Variants in PNMT observed in about 807,000 individuals in gnomAD.
The protein encoded by PNMT is noradrenaline N-methyltransferase.
PNMT carries 18 observed loss-of-function variants against 18.9 expected under a neutral mutation model. The ratio of observed to expected loss-of-function variants is 0.95; its 90% CI spans 0.66 to 1.41. The LOEUF is 1.41. PNMT is among the 40% of genes most tolerant of loss of function. The probability of loss-of-function intolerance (pLI) is 0.00; values close to 1 mark genes in which losing one functional copy is unlikely to be tolerated. For synonymous variants in PNMT, 167 were observed against 168.6 expected, an observed-to-expected ratio of 0.99 and a Z score of 0.08; for missense variants, 378 against 387.0, an observed-to-expected ratio of 0.98 and a Z score of 0.20.
At chr17:39,668,731 C>A in intron 1 of PNMT, 54 bp downstream of exon 1, 3 of 1,400,680 alleles carry the variant, frequency 2.1e-6, no homozygotes, top group African/African-American at 1.5e-5. Context: ...GGAGTGAAAG[C>A]AGGCGCAGGG....
At chr17:39,668,341 G>A, upstream of PNMT, 1 of 603,516 alleles carries the variant, frequency 1.7e-6, no homozygotes, top group Non-Finnish European at 2.6e-6. Context: ...TGGGTGGGGA[G>A]GATGCGGCGC....
Position 39,669,166 on chromosome 17 carries a change from C to T in PNMT, c.203-463C>T, listed in dbSNP as rs1031828202. 5.9e-5 allele frequency among the ~76,000 whole-genome samples: 9 copies of T among 152,184 alleles called. No individual in the cohort carries two copies. The South Asian group carries it at 1.9e-3, about 32-fold the overall frequency. ...CGCCATCTCGGCTCACTGCAACCTCCGCCTCCCCGGTTCAAGCGATTCTCT... is the reference window on the plus strand; with the variant it reads ...CGCCATCTCGGCTCACTGCAACCTCTGCCTCCCCGGTTCAAGCGATTCTCT... On this transcript the variant is annotated intron_variant, in intron 1 of 2. Transcript: ENST00000269582.
Position 39,670,149 on chromosome 17 carries a change from G to A in PNMT, c.609G>A (p.Thr203=), listed in dbSNP as rs373672278. ...SFQRALDHIT[T]LLRPGGHLLL... is the part of the protein sequence containing the mutation. ...AGCGGGCCCTGGACCACATCACCAC[G>A]CTGCTGAGGCCTGGGGGGCACCTCC... The change falls in exon 3 of 3, where the codon ACG becomes ACA. Residue 203 remains threonine (T), a synonymous_variant. Transcript: ENST00000269582. 41 of 1,611,726 alleles carry A rather than the reference G, an allele frequency of 2.5e-5. No homozygotes were observed. Among genetic ancestry groups the A allele is most frequent in the East Asian group, 1.3e-4 (6 of 44,878 alleles).
rs2057287718 is a variant in PNMT at position 39,670,203 on chromosome 17, G to A, written c.663G>A (p.Trp221Ter). 3 of 1,611,792 alleles carry A rather than the reference G, an allele frequency of 1.9e-6. No individual in the cohort carries two copies. The highest frequency in any genetic ancestry group is 2.7e-5 in the African/African-American group (2 of 74,884). ...LLLIGALEES[W>*]YLAGEARLTV... Reference sequence around the variant, plus strand: ...TCATCGGGGCCCTGGAGGAGTCGTGGTACCTGGCTGGGGAGGCCAGGCTGA... The same window carrying A: ...TCATCGGGGCCCTGGAGGAGTCGTGATACCTGGCTGGGGAGGCCAGGCTGA... Residue 221 changes from tryptophan to a stop codon, truncating the protein, a stop_gained, in exon 3 of 3, where the codon TGG (tryptophan) becomes TGA (stop). Transcript: ENST00000269582. LOFTEE classifies it high-confidence loss of function.
In PNMT at chr17:39,670,069, G is replaced by T; in HGVS notation, c.529G>T (p.Ala177Ser). 6.2e-7 allele frequency: 1 copy of T among 1,608,064 alleles called. No homozygotes were observed. The highest frequency in any genetic ancestry group is 8.5e-7 in the Non-Finnish European group (1 of 1,179,834). Residue 177 changes from alanine to serine, a missense_variant, in exon 3 of 3, where the codon GCC (alanine) becomes TCC (serine). Physicochemically the swap from Ala to Ser is moderately conservative, Grantham distance 99. Coordinates refer to ENST00000269582, the MANE Select transcript of PNMT (RefSeq NM_002686.4). Reference protein sequence around the residue: ...AGSPAPLPADALVSAFCLEAV... With the variant: ...AGSPAPLPADSLVSAFCLEAV... ...GAGCCCAGCTCCCCTGCCTGCTGAC[G>T]CCCTGGTCTCTGCCTTCTGCTTGGA...
rs1313291053 is a variant in PNMT, at chr17:39,668,606, G to T, written c.131G>T (p.Arg44Leu). ...AYLRNNYAPP[R>L]GDLCNPNGVG... is the part of the protein sequence containing the mutation. ...CTCCGCAACAACTACGCGCCCCCTCGCGGGGACCTGTGCAACCCGAACGGC... is the reference window on the plus strand; with the variant it reads ...CTCCGCAACAACTACGCGCCCCCTCTCGGGGACCTGTGCAACCCGAACGGC... Residue 44 changes from arginine (R) to leucine (L), a missense_variant, in exon 1 of 3, where the codon CGC (arginine) becomes CTC (leucine). By Grantham distance (102) the Arg-to-Leu change is moderately radical. Transcript: ENST00000269582. The T allele has an allele frequency of 1.2e-6, 2 of 1,605,196 alleles. No individual in the cohort carries two copies. Among genetic ancestry groups the T allele is most frequent in the South Asian group, 2.2e-5 (2 of 90,400 alleles).
chr17:39,668,480 G>A lies in PNMT; in HGVS notation c.5G>A (p.Ser2Asn), dbSNP rs926910811. 7.0e-7 allele frequency: 1 copy of A among 1,433,006 alleles called. No homozygotes were observed. The highest frequency in any genetic ancestry group is 9.1e-7 in the Non-Finnish European group (1 of 1,098,774). The allele number at this position is 1,433,006 out of a possible 1,614,324, so 88.8% of individuals were successfully genotyped here. A position where few individuals can be genotyped will look rare whatever the true frequency, so the allele number is the denominator to read the frequency against. ...TGGGCGGACCGCGGCGGCAGCATGA[G>A]CGGCGCAGACCGTAGCCCCAATGCG... M[S>N]GADRSPNAGA... Residue 2 changes from serine to asparagine, a missense_variant, in exon 1 of 3, where the codon AGC (serine) becomes AAC (asparagine). By Grantham distance (46) the Ser-to-Asn change is conservative. Coordinates refer to ENST00000269582, the MANE Select transcript of PNMT (RefSeq NM_002686.4).
In PNMT at chr17:39,668,465, G is replaced by A. The variant is rs2057271988; in HGVS notation, c.-11G>A. 14 of 1,398,082 alleles carry A rather than the reference G, an allele frequency of 1.0e-5. No homozygotes were observed. Among genetic ancestry groups the A allele is most frequent in the African/African-American group, 7.5e-5 (5 of 66,328 alleles). The allele number at this position is 1,398,082 out of a possible 1,614,324, so 86.6% of individuals were successfully genotyped here. On this transcript the variant is annotated 5_prime_UTR_variant, in exon 1 of 3. Coordinates refer to ENST00000269582, the MANE Select transcript of PNMT (RefSeq NM_002686.4). The stretch of plus-strand genomic sequence containing the variant: ...AGGCGAGCGGGGCACTGGGCGGACC[G>A]CGGCGGCAGCATGAGCGGCGCAGAC...
In PNMT at chr17:39,668,531, G is replaced by A; in HGVS notation, c.56G>A (p.Gly19Asp). 2 of 1,544,274 alleles carry A rather than the reference G, an allele frequency of 1.3e-6. No homozygotes were observed. Among genetic ancestry groups the A allele is most frequent in the Non-Finnish European group, 1.7e-6 (2 of 1,151,124 alleles). Residue 19 changes from glycine to aspartate, a missense_variant, in exon 1 of 3, where the codon GGC becomes GAC. Gly to Asp is a moderately conservative substitution (Grantham distance 94). Transcript: ENST00000269582. ...NAGAAPDSAP[G>D]QAAVASAYQR... is the part of the protein sequence containing the mutation. ...GGCGCAGCCCCTGACTCGGCCCCGG[G>A]CCAGGCGGCGGTGGCTTCGGCCTAC...
rs557692952 is a variant in PNMT at position 39,670,292 on chromosome 17, G to A, written c.752G>A (p.Arg251Gln). 23 of 1,610,422 alleles carry A rather than the reference G, an allele frequency of 1.4e-5. No individual in the cohort carries two copies. The highest frequency in any genetic ancestry group is 5.0e-5 in the Admixed American group (3 of 59,826). ...CTGGTGCGTAGTGGCTACAAGGTCC[G>A]GGACCTCCGCACCTATATCATGCCT... The part of the protein sequence containing the change: ...EALVRSGYKV[R>Q]DLRTYIMPAH... Residue 251 changes from arginine (R) to glutamine (Q), a missense_variant, in exon 3 of 3, where the codon CGG (arginine) becomes CAG (glutamine). Transcript: ENST00000269582.
At position 39,670,183 on chromosome 17, in the gene PNMT, G is replaced by C; in HGVS notation, c.643G>C (p.Gly215Arg). The change falls in exon 3 of 3, where the codon GGG (glycine) becomes CGG (arginine). Residue 215 changes from glycine to arginine, a missense_variant. Physicochemically the swap from Gly to Arg is moderately radical, Grantham distance 125. Transcript: ENST00000269582. ...GCCTGGGGGGCACCTCCTCCTCATC[G>C]GGGCCCTGGAGGAGTCGTGGTACCT... is the stretch of plus-strand genomic sequence containing the variant. ...LRPGGHLLLI[G>R]ALEESWYLAG... 6.2e-7 allele frequency: 1 copy of C among 1,612,062 alleles called. No individual in the cohort carries two copies.
At chr17:39,668,748 A>T in intron 1 of PNMT, 71 bp downstream of exon 1, 1 of 1,271,404 alleles carries the variant, frequency 7.9e-7, no homozygotes, top group Non-Finnish European at 1.1e-6. Context: ...AGGGAAATAA[A>T]AAGAAGGAAA....
chr17:39,668,651 G>C lies in PNMT; in HGVS notation c.176G>C (p.Arg59Pro). ...AACGGCGTCGGGCCGTGGAAGCTGC[G>C]CTGCTTGGCGCAGACCTTCGCCACC... ...NPNGVGPWKL[R>P]CLAQTFATGE... Residue 59 changes from arginine to proline, a missense_variant, in exon 1 of 3, where the codon CGC becomes CCC. Physicochemically the swap from Arg to Pro is moderately radical, Grantham distance 103. Transcript: ENST00000269582. 1.3e-6 allele frequency: 2 copies of C among 1,592,262 alleles called. No homozygotes were observed. Among genetic ancestry groups the C allele is most frequent in the Non-Finnish European group, 1.7e-6 (2 of 1,169,850 alleles).
At chr17:39,669,929 C>T (rs932239560) in intron 2 of PNMT, 22 bp from the exon 3 acceptor site, 2 of 1,593,512 alleles carry the variant, frequency 1.3e-6, no homozygotes. Context: ...GCCTTGAGCC[C>T]TGCCTTGTGC....
In PNMT at chr17:39,668,667, C is replaced by T. The variant is rs772853041; in HGVS notation, c.192C>T (p.Thr64=). The T allele has an allele frequency of 4.4e-6, 7 of 1,577,608 alleles. No homozygotes were observed. In the South Asian group the frequency reaches 4.6e-5, roughly 10 times the overall value. Reference sequence around the variant, plus strand: ...GGAAGCTGCGCTGCTTGGCGCAGACCTTCGCCACCGGTGAGCGGGGGAAAC... The same window carrying T: ...GGAAGCTGCGCTGCTTGGCGCAGACTTTCGCCACCGGTGAGCGGGGGAAAC... ...GPWKLRCLAQ[T]FATGEVSGRT... The change falls in exon 1 of 3, where the codon ACC becomes ACT. Residue 64 remains threonine (T), a synonymous_variant. Coordinates refer to ENST00000269582, the MANE Select transcript of PNMT (RefSeq NM_002686.4).
upstream of PNMT, chr17:39,668,387 C>G (rs2057271322): frequency 8.8e-7 from 1 of 1,138,856 alleles, no homozygotes; most frequent in African/African-American, 1.6e-5. Flanking sequence ...CAGCTGCCGC[C>G]CCCACAGCGG....
rs201626166 is a variant in PNMT, at chr17:39,670,126, C to T, written c.586C>T (p.Arg196Trp). 2.0e-4 allele frequency: 316 copies of T among 1,611,220 alleles called. No homozygotes were observed. In the Middle Eastern group the frequency reaches 8.5e-3, roughly 43 times the overall value. Residue 196 changes from arginine (R) to tryptophan (W), a missense_variant, in exon 3 of 3, where the codon CGG (arginine) becomes TGG (tryptophan). Physicochemically the swap from Arg to Trp is moderately radical, Grantham distance 101 (BLOSUM62 -3). Transcript: ENST00000269582. ...GAGCCCAGATCTTGCCAGCTTTCAG[C>T]GGGCCCTGGACCACATCACCACGCT... ...AVSPDLASFQRALDHITTLLR... is the reference protein window; with the variant it reads ...AVSPDLASFQWALDHITTLLR...
chr17:39,670,158 GCCTGGGGGGCACCTCCTCCTCATCGGGGC>G lies in PNMT; in HGVS notation c.624_652del (p.His210ValfsTer17). On this transcript the variant is annotated frameshift_variant, in exon 3 of 3. Transcript: ENST00000269582. LOFTEE classifies it high-confidence loss of function. ...TGGACCACATCACCACGCTGCTGAG[GCCTGGGGGGCACCTCCTCCTCATCGGGGC>G]CCTGGAGGAGTCGTGGTACCTGGCT... 1.2e-6 allele frequency: 2 copies of G among 1,612,052 alleles called. No homozygotes were observed. Among genetic ancestry groups the G allele is most frequent in the East Asian group, 4.5e-5 (2 of 44,874 alleles).
chr17:39,670,319 C>A lies in PNMT; in HGVS notation c.779C>A (p.Ala260Asp). The change falls in exon 3 of 3, where the codon GCC becomes GAC. Residue 260 changes from alanine (A) to aspartate (D), a missense_variant. Coordinates refer to ENST00000269582, the MANE Select transcript of PNMT (RefSeq NM_002686.4). The stretch of plus-strand genomic sequence containing the variant: ...GACCTCCGCACCTATATCATGCCTG[C>A]CCACCTTCAGACAGGCGTAGATGAT... ...VRDLRTYIMP[A>D]HLQTGVDDVK... 6.2e-7 allele frequency: 1 copy of A among 1,610,614 alleles called. No homozygotes were observed. Among genetic ancestry groups the A allele is most frequent in the Admixed American group, 1.7e-5 (1 of 59,894 alleles).
Sources: gnomAD v4.1 joint callset for allele counts (sites outside exome capture counted in the v4.1 genomes callset) on GRCh38, gnomAD v4.1.1 for gene constraint, MANE v1.5 for transcripts, NCBI Gene and HGNC (gene_info 2026-07-23, HGNC 2026-07-21) for gene names.